CELF4: variants seen among roughly 807,000 people sequenced by gnomAD.
CELF4 encodes the protein CUG-BP- and ETR-3-like factor 4.
CELF4 carries 18 observed loss-of-function variants against 59.9 expected under a neutral mutation model. The ratio of observed to expected loss-of-function variants is 0.30; its 90% CI spans 0.21 to 0.45. The LOEUF (loss-of-function observed/expected upper bound fraction) is 0.45. CELF4 is among the 20% of genes least tolerant of loss of function. CELF4 has a pLI of 1.00. For missense variants in CELF4, 456 were observed against 689.0 expected (o/e 0.66, Z 3.79); for synonymous variants, 261 against 267.1 (o/e 0.98, Z 0.22).
intron 2 of CELF4, among the ~76,000 whole-genome samples, chr18:37,370,274 TG>T (rs976729267): frequency 1.3e-5 from 2 of 152,172 alleles, no homozygotes; most frequent in Non-Finnish European, 2.9e-5. Context: ...GCTGCCTGGT[TG>T]GGGGCCATTT....
At chr18:37,489,930 A>G (rs1185884414) in intron 1 of CELF4, among the ~76,000 whole-genome samples, 1 of 152,144 alleles carries the variant, frequency 6.6e-6, no homozygotes, top group South Asian at 2.1e-4. Flanking sequence ...TCCTGATCCT[A>G]TGATCCACAT....
At chr18:37,558,020 G>A (rs1482968579) in intron 1 of CELF4, among the ~76,000 whole-genome samples, 1 of 16,294 alleles carries the variant, frequency 6.1e-5, no homozygotes, top group Non-Finnish European at 1.5e-4. Context: ...TTTTTTTTTT[G>A]AGACTGGGTC....
chr18:37,410,466 A>C (rs1214592912), intron 2 of CELF4, among the ~76,000 whole-genome samples: 1 of 152,218 alleles, frequency 6.6e-6, no homozygotes, highest in Admixed American at 6.5e-5. Flanking sequence ...CACCTGGGCT[A>C]CCAGAACCTC....
chr18:37,338,583 C>T (rs568918420), intron 2 of CELF4, among the ~76,000 whole-genome samples: 1 of 152,304 alleles, frequency 6.6e-6, no homozygotes, highest in Non-Finnish European at 1.5e-5. Context: ...GCCCCTCACA[C>T]CCCATGTCAT....
At chr18:37,467,007 T>A (rs2099810765) in intron 2 of CELF4, among the ~76,000 whole-genome samples, 1 of 151,682 alleles carries the variant, frequency 6.6e-6, no homozygotes, top group Non-Finnish European at 1.5e-5. Flanking sequence ...GAGGTCAGAG[T>A]GGGAGGCGGT....
intron 1 of CELF4, among the ~76,000 whole-genome samples, chr18:37,545,346 G>T (rs1263490353): frequency 6.6e-6 from 1 of 152,206 alleles, no homozygotes; most frequent in Non-Finnish European, 1.5e-5. Context: ...GTAGCAAAAT[G>T]ACTCACGCTG....
At chr18:37,334,728 G>C (rs900237951) in intron 2 of CELF4, among the ~76,000 whole-genome samples, 33 of 151,902 alleles carry the variant, frequency 2.2e-4, no homozygotes, top group Admixed American at 7.2e-4. Flanking sequence ...CCTGACCCGG[G>C]GGGGACAGCT....
intron 2 of CELF4, among the ~76,000 whole-genome samples, chr18:37,352,725 G>A (rs368774400): frequency 7.1e-4 from 108 of 152,338 alleles, no homozygotes; most frequent in African/African-American, 2.5e-3. Context: ...CTGGAGGTCA[G>A]CATTGGAAGC....
chr18:37,502,174 G>T (rs78089119), intron 1 of CELF4, among the ~76,000 whole-genome samples: 3,948 of 152,240 alleles, frequency 0.026, 163 homozygotes, highest in African/African-American at 0.09. Context: ...CTGGACTCGA[G>T]CTAACTTTTG....
intron 3 of CELF4, among the ~76,000 whole-genome samples, chr18:37,296,420 T>C (rs1603294700): frequency 6.6e-6 from 1 of 152,230 alleles, no homozygotes; most frequent in Non-Finnish European, 1.5e-5. Context: ...GACCTTGACC[T>C]CTTGGGCTCA....
At chr18:37,351,023 C>T (rs1033424252) in intron 2 of CELF4, among the ~76,000 whole-genome samples, 13 of 152,222 alleles carry the variant, frequency 8.5e-5, no homozygotes, top group Non-Finnish European at 1.5e-4. Context: ...TACCCACCTC[C>T]CCCCTTCTTT....
intron 2 of CELF4, among the ~76,000 whole-genome samples, chr18:37,330,691 A>G (rs72885309): frequency 0.053 from 8,121 of 152,200 alleles, 279 homozygotes; most frequent in Middle Eastern, 0.11. Flanking sequence ...TGACCAAATG[A>G]TGACTGAATC....
At chr18:37,317,770 A>G (rs2096919201) in intron 3 of CELF4, among the ~76,000 whole-genome samples, 1 of 152,122 alleles carries the variant, frequency 6.6e-6, no homozygotes, top group African/African-American at 2.4e-5. Flanking sequence ...CCAGCAATCC[A>G]TGTGTGTCAG....
intron 2 of CELF4, among the ~76,000 whole-genome samples, chr18:37,339,810 G>C (rs988930283): frequency 6.6e-6 from 1 of 150,968 alleles, no homozygotes; most frequent in Non-Finnish European, 1.5e-5. Flanking sequence ...GTGTGTAGAC[G>C]CATGGTCATG....
At chr18:37,498,809 C>T (rs1251770094) in intron 1 of CELF4, among the ~76,000 whole-genome samples, 1 of 152,074 alleles carries the variant, frequency 6.6e-6, no homozygotes, top group East Asian at 1.9e-4. Flanking sequence ...CTGGCTATGA[C>T]AGTAGCCTCT....
chr18:37,376,932 T>C (rs541827163), intron 2 of CELF4, among the ~76,000 whole-genome samples: 93 of 151,116 alleles, frequency 6.2e-4, no homozygotes, highest in African/African-American at 2.1e-3. Context: ...TAATAATGAG[T>C]CTGCTTTCAG....
rs763443564 is a variant in CELF4, at chr18:37,275,184, G to A, written c.508C>T (p.Arg170Cys). ...ATGTTCCCAAAGGCCTCGAAAAGGC[G>A]GCGCACGTCGTCCTCGGACTGTTGC... ...NKQQSEDDVR[R>C]LFEAFGNIEE... is the part of the protein sequence containing the mutation. The change falls in exon 4 of 13, where the codon CGC (arginine) becomes TGC (cysteine). Residue 170 changes from arginine (R) to cysteine (C), a missense_variant. Coordinates refer to ENST00000420428, the MANE Select transcript of CELF4 (RefSeq NM_020180.4). 6.2e-7 allele frequency: 1 copy of A among 1,613,696 alleles called. No individual in the cohort carries two copies. The highest frequency in any genetic ancestry group is 1.1e-5 in the South Asian group (1 of 91,078).
At chr18:37,464,661 C>T (rs1357042140) in intron 2 of CELF4, among the ~76,000 whole-genome samples, 1 of 152,096 alleles carries the variant, frequency 6.6e-6, no homozygotes, top group South Asian at 2.1e-4. Flanking sequence ...AATCTCGGAG[C>T]CCCTGGCACT....
intron 1 of CELF4, among the ~76,000 whole-genome samples, chr18:37,528,639 G>A (rs1032398222): frequency 6.6e-6 from 1 of 152,192 alleles, no homozygotes; most frequent in Non-Finnish European, 1.5e-5. Context: ...GTGTTTGTGT[G>A]TGTCTGTACG....
Sources: gnomAD v4.1 joint callset for allele counts (sites outside exome capture counted in the v4.1 genomes callset) on GRCh38, gnomAD v4.1.1 for gene constraint, MANE v1.5 for transcripts, NCBI Gene and HGNC (gene_info 2026-07-23, HGNC 2026-07-21) for gene names.